Variants in ARHGEF6 observed in about 807,000 individuals in gnomAD.
ARHGEF6 encodes rho guanine nucleotide exchange factor 6.
ARHGEF6 carries 9 observed loss-of-function variants against 70.3 expected under a neutral mutation model. The observed-to-expected ratio is 0.13, with a 90% CI of 0.08 to 0.22. ARHGEF6 has a LOEUF of 0.22. ARHGEF6 is among the 10% of genes least tolerant of loss of function. The pLI, the probability that ARHGEF6 is intolerant of heterozygous loss-of-function variation, is 1.00. For synonymous variants in ARHGEF6, 201 were observed against 207.8 expected (o/e 0.97, Z 0.28); for missense variants, 470 against 563.0 (o/e 0.83, Z 1.67).
Position 136,751,674 on chromosome X carries a change from TC to T in ARHGEF6, c.250-4083del, listed in dbSNP as rs779821667. Among the ~76,000 whole-genome samples, 99 of 111,243 alleles carry T rather than the reference TC, an allele frequency of 8.9e-4. 1 individual carries two copies. In the South Asian group the frequency reaches 0.017, roughly 19 times the overall value. ...CAAGAGGCCCCAGAGAGCTACCTTG[TC>T]CCTTCCACCATGTAAGGACATAGAG... On this transcript the variant is annotated intron_variant, in intron 2 of 21. Coordinates refer to ENST00000250617, the MANE Select transcript of ARHGEF6 (RefSeq NM_004840.3).
Position 136,745,206 on chromosome X carries a change from T to G in ARHGEF6, c.459+17A>C. ...TATGGATTTTAAAACAGACGGAGAATTGGGGACTATACTTACCACTGTCTT... is the reference window on the plus strand; with the variant it reads ...TATGGATTTTAAAACAGACGGAGAAGTGGGGACTATACTTACCACTGTCTT... On this transcript the variant is annotated intron_variant, in intron 4 of 21. Transcript: ENST00000250617. 1 of 1,211,073 alleles carries G rather than the reference T, an allele frequency of 8.3e-7. No homozygotes were observed. Among genetic ancestry groups the G allele is most frequent in the Non-Finnish European group, 1.1e-6 (1 of 894,816 alleles).
intron 2 of ARHGEF6, among the ~76,000 whole-genome samples, chrX:136,750,026 C>T (rs964300044): frequency 8.9e-5 from 10 of 111,778 alleles, no homozygotes; most frequent in African/African-American, 3.3e-4. Context: ...ACATTTTCAG[C>T]CACTATCAGT....
intron 20 of ARHGEF6, among the ~76,000 whole-genome samples, chrX:136,669,767 C>T (rs773233180): frequency 8.9e-6 from 1 of 111,899 alleles, no homozygotes; most frequent in African/African-American, 3.3e-5. Context: ...CTTTTCTATA[C>T]TTCCCTCCTC....
chrX:136,725,285 C>T (rs982086286), intron 6 of ARHGEF6, among the ~76,000 whole-genome samples: 4 of 110,276 alleles, frequency 3.6e-5, no homozygotes, highest in Non-Finnish European at 7.6e-5. Context: ...CCTATGACTG[C>T]AAGTTTTGAG....
At chrX:136,744,766 T>C (rs745876091) in intron 4 of ARHGEF6, among the ~76,000 whole-genome samples, 57 of 112,099 alleles carry the variant, frequency 5.1e-4, no homozygotes, top group African/African-American at 1.6e-3. Flanking sequence ...AAGCTCATCA[T>C]AGACTGAAAT....
At chrX:136,727,395 T>TCTCTCTCTC (rs2076875302) in intron 6 of ARHGEF6, among the ~76,000 whole-genome samples, 1 of 53,618 alleles carries the variant, frequency 1.9e-5, no homozygotes, top group Admixed American at 2.0e-4. Flanking sequence ...CTTTCTTTCT[T>TCTCTCTCTC]TCTCTCTCTC....
In ARHGEF6 at chrX:136,708,607, G is replaced by A. The variant is rs937618109; in HGVS notation, c.923+68C>T. 14 of 970,969 alleles carry A rather than the reference G, an allele frequency of 1.4e-5. No individual in the cohort carries two copies. The Admixed American group carries it at 3.2e-4, about 22-fold the overall frequency. 80.0% of individuals were successfully genotyped at this position (970,969 alleles called of 1,213,427 possible). A position where few individuals can be genotyped will look rare whatever the true frequency, so the allele number is the denominator to read the frequency against. On this transcript the variant is annotated intron_variant, in intron 8 of 21. Transcript: ENST00000250617. ...TGAAGTGTCCTTATCAAAGGCAACA[G>A]GTAAAAGGAAAACAAAACACAAACA...
intron 9 of ARHGEF6, among the ~76,000 whole-genome samples, chrX:136,703,922 T>A: frequency 1.8e-5 from 2 of 112,957 alleles, no homozygotes. Flanking sequence ...ATAACTTTTG[T>A]ATTCATTTGG....
chrX:136,674,512 G>A (rs1195736052), intron 19 of ARHGEF6, among the ~76,000 whole-genome samples: 1 of 112,520 alleles, frequency 8.9e-6, no homozygotes, highest in East Asian at 2.8e-4. Flanking sequence ...GACAACCTCT[G>A]CTAAGCAGCT....
At chrX:136,676,562 TA>T in intron 18 of ARHGEF6, 61 bp downstream of exon 18, 1 of 966,411 alleles carries the variant, frequency 1.0e-6, no homozygotes, top group South Asian at 2.0e-5. Context: ...AATCCTCACA[TA>T]AAAGAAGATT....
In ARHGEF6 at chrX:136,668,009, A is replaced by G. The variant is rs1187047738; in HGVS notation, c.*20T>C. The G allele has an allele frequency of 8.3e-7, 1 of 1,211,070 alleles. No individual in the cohort carries two copies. Among genetic ancestry groups the G allele is most frequent in the South Asian group, 1.8e-5 (1 of 56,959 alleles). ...TCAAGATGCCCTGAAGGCACACTCC[A>G]CCCAGTGGCACAGTGATGGTTATGG... On this transcript the variant is annotated 3_prime_UTR_variant, in exon 22 of 22. Coordinates refer to ENST00000250617, the MANE Select transcript of ARHGEF6 (RefSeq NM_004840.3).
chrX:136,669,640 CAG>C (rs1322235085), intron 20 of ARHGEF6, 104 bp from the exon 21 acceptor site: 6 of 681,477 alleles, frequency 8.8e-6, no homozygotes, highest in Non-Finnish European at 1.4e-5. Flanking sequence ...TCCTGAAAAA[CAG>C]TGGACTTTCT....
intron 2 of ARHGEF6, among the ~76,000 whole-genome samples, chrX:136,773,054 G>A (rs1355008307): frequency 1.8e-5 from 2 of 111,197 alleles, no homozygotes; most frequent in Admixed American, 1.9e-4. Context: ...GGGGTTACTT[G>A]GAGAAGCCGA....
intron 12 of ARHGEF6, among the ~76,000 whole-genome samples, chrX:136,683,478 C>T (rs2076354326): frequency 9.0e-6 from 1 of 110,990 alleles, no homozygotes; most frequent in Admixed American, 9.5e-5. Context: ...CCTGCCTCAG[C>T]CTCCCAAGTA....
chrX:136,727,395 T>TTCTTTCTTTCTTTCTCTC, intron 6 of ARHGEF6, among the ~76,000 whole-genome samples: 1 of 53,615 alleles, frequency 1.9e-5, no homozygotes, highest in African/African-American at 7.9e-5. Context: ...CTTTCTTTCT[T>TTCTTTCTTTCTTTCTCTC]TCTCTCTCTC....
chrX:136,760,370 A>C (rs1353961211), intron 2 of ARHGEF6, among the ~76,000 whole-genome samples: 2 of 112,409 alleles, frequency 1.8e-5, no homozygotes, highest in African/African-American at 6.5e-5. Context: ...CAATGATAAC[A>C]ATAAGACCAA....
At chrX:136,748,428 T>C (rs1043060799) in intron 2 of ARHGEF6, among the ~76,000 whole-genome samples, 3 of 112,804 alleles carry the variant, frequency 2.7e-5, no homozygotes, top group Non-Finnish European at 1.9e-5. Flanking sequence ...AGATGTTGTT[T>C]TCAATACAAT....
At chrX:136,764,976 G>C (rs1447636531) in intron 2 of ARHGEF6, among the ~76,000 whole-genome samples, 1 of 111,781 alleles carries the variant, frequency 8.9e-6, no homozygotes, top group African/African-American at 3.3e-5. Flanking sequence ...TTTATCAATA[G>C]CTTTGGGGGC....
intron 9 of ARHGEF6, among the ~76,000 whole-genome samples, chrX:136,704,759 C>G (rs2076609641): frequency 8.9e-6 from 1 of 111,749 alleles, no homozygotes. Context: ...TGGTCCCTCC[C>G]TCGACATGTA....
Sources: gnomAD v4.1 joint callset for allele counts (sites outside exome capture counted in the v4.1 genomes callset) on GRCh38, gnomAD v4.1.1 for gene constraint, MANE v1.5 for transcripts, NCBI Gene and HGNC (gene_info 2026-07-23, HGNC 2026-07-21) for gene names.